The following PTPRD variants were observed in gnomAD, a reference collection of about 807,000 sequenced individuals.
The protein encoded by PTPRD is protein tyrosine phosphatase receptor type D, also known as receptor-type tyrosine-protein phosphatase delta.
A neutral mutation model predicts 214.5 loss-of-function variants in PTPRD; 34 were observed. The observed-to-expected ratio is 0.16, with a 90% CI of 0.12 to 0.21. PTPRD has a LOEUF of 0.21. Among genes scored for constraint, PTPRD ranks in the 10% least tolerant of loss-of-function variants. The pLI, the probability that PTPRD is intolerant of heterozygous loss-of-function variation, is 1.00. For synonymous variants in PTPRD, 1,128 were observed against 845.7 expected, an observed-to-expected ratio of 1.33 and a Z score of -5.79; for missense variants, 2,545 against 2,398.7, an observed-to-expected ratio of 1.06 and a Z score of -1.27.
intron 30 of PTPRD, among the ~76,000 whole-genome samples, chr9:8,473,799 G>C (rs1454965429): frequency 6.6e-6 from 1 of 152,166 alleles, no homozygotes; most frequent in African/African-American, 2.4e-5. Context: ...GGTGCGGCAA[G>C]ATATCCACAA....
At chr9:10,376,668 G>A (rs1555243942) in intron 2 of PTPRD, among the ~76,000 whole-genome samples, 1 of 151,764 alleles carries the variant, frequency 6.6e-6, no homozygotes, top group Non-Finnish European at 1.5e-5. Flanking sequence ...ACAGAGCCAT[G>A]TAATTTTGCA....
chr9:9,109,473 C>T (rs1279093106), intron 10 of PTPRD, among the ~76,000 whole-genome samples: 1 of 152,086 alleles, frequency 6.6e-6, no homozygotes, highest in Non-Finnish European at 1.5e-5. Flanking sequence ...CAAAGACCTA[C>T]CTCAGCAGTA....
At chr9:9,161,259 A>G (rs2099888009) in intron 10 of PTPRD, among the ~76,000 whole-genome samples, 1 of 152,164 alleles carries the variant, frequency 6.6e-6, no homozygotes, top group South Asian at 2.1e-4. Context: ...TGATTATCTC[A>G]CATTGTATAT....
intron 2 of PTPRD, among the ~76,000 whole-genome samples, chr9:10,367,386 G>A (rs1328081744): frequency 6.6e-6 from 1 of 152,094 alleles, no homozygotes; most frequent in Non-Finnish European, 1.5e-5. Context: ...AAAAGGAAGA[G>A]TTCTGCCCAC....
intron 9 of PTPRD, among the ~76,000 whole-genome samples, chr9:9,253,519 A>C (rs963365627): frequency 6.6e-6 from 1 of 151,230 alleles, no homozygotes; most frequent in East Asian, 1.9e-4. Flanking sequence ...AAAAATATGT[A>C]TACACATATC....
At chr9:10,003,901 A>C (rs1366486712) in intron 4 of PTPRD, among the ~76,000 whole-genome samples, 3 of 151,762 alleles carry the variant, frequency 2.0e-5, no homozygotes, top group Non-Finnish European at 1.5e-5. Context: ...TTGCTTACAG[A>C]CCCTAATACA....
chr9:8,998,594 C>T (rs918203534), intron 11 of PTPRD, among the ~76,000 whole-genome samples: 6 of 152,014 alleles, frequency 3.9e-5, no homozygotes, highest in Non-Finnish European at 5.9e-5. Flanking sequence ...TGTTTTCATG[C>T]CTGCTAATAC....
intron 2 of PTPRD, among the ~76,000 whole-genome samples, chr9:10,470,144 C>CA (rs573712794): frequency 5.9e-4 from 90 of 151,938 alleles, no homozygotes; most frequent in Non-Finnish European, 1.1e-3. Context: ...AAACAAATGA[C>CA]AAATGTTTGA....
chr9:10,061,400 G>A (rs1477184091), intron 3 of PTPRD, among the ~76,000 whole-genome samples: 1 of 152,038 alleles, frequency 6.6e-6, no homozygotes, highest in Non-Finnish European at 1.5e-5. Flanking sequence ...AGATTACATT[G>A]CTTAGCATTT....
chr9:8,858,694 CTG>C (rs1491018513), intron 11 of PTPRD, among the ~76,000 whole-genome samples: 6 of 27,972 alleles, frequency 2.1e-4, no homozygotes, highest in African/African-American at 6.1e-4. Flanking sequence ...GCTGGGCCCG[CTG>C]CGCCCGCTGG....
At position 9,750,050 on chromosome 9, in the gene PTPRD, A is replaced by C. The variant is rs190727644; in HGVS notation, c.-325-15479T>G. 7.9e-5 allele frequency among the ~76,000 whole-genome samples: 12 copies of C among 152,290 alleles called. No individual in the cohort carries two copies. In the South Asian group the frequency reaches 2.3e-3, roughly 29 times the overall value. ...GGTATTTTAATTGAAAACAACTACG[A>C]AAAATAAACTTTTATATGATTAATG... is the stretch of plus-strand genomic sequence containing the variant. On this transcript the variant is annotated intron_variant, in intron 6 of 45. Coordinates refer to ENST00000381196, the MANE Select transcript of PTPRD (RefSeq NM_002839.4).
chr9:9,311,323 A>T (rs1411329386), intron 9 of PTPRD, among the ~76,000 whole-genome samples: 1 of 152,172 alleles, frequency 6.6e-6, no homozygotes, highest in African/African-American at 2.4e-5. Context: ...CATATAATAA[A>T]AGATGTATTG....
rs77641337 is a variant in PTPRD at position 8,712,192 on chromosome 9, T to C, written c.64+21588A>G. ...CTTACAAATGTATCACATAACTATA[T>C]TGAAGGAGACAGGGATGGAGCTGTC... On this transcript the variant is annotated intron_variant, in intron 12 of 45. Coordinates refer to ENST00000381196, the MANE Select transcript of PTPRD (RefSeq NM_002839.4). Among the ~76,000 whole-genome samples the C allele has an allele frequency of 9.2e-3, 1,396 of 152,272 alleles. 33 individuals are homozygous for C. Among genetic ancestry groups the C allele is most frequent in the African/African-American group, 0.032 (1,332 of 41,556 alleles).
chr9:10,071,412 G>A (rs571614406), intron 3 of PTPRD, among the ~76,000 whole-genome samples: 2 of 152,086 alleles, frequency 1.3e-5, no homozygotes, highest in African/African-American at 4.8e-5. Context: ...GTGGGATATT[G>A]GTGGAAGAAT....
chr9:10,465,720 G>A (rs1461221916), intron 2 of PTPRD, among the ~76,000 whole-genome samples: 1 of 152,130 alleles, frequency 6.6e-6, no homozygotes, highest in Non-Finnish European at 1.5e-5. Flanking sequence ...TAGCCTAGAA[G>A]AACCAGGCTA....
At chr9:8,415,912 A>G (rs1176577771) in intron 35 of PTPRD, among the ~76,000 whole-genome samples, 1 of 152,066 alleles carries the variant, frequency 6.6e-6, no homozygotes, top group Admixed American at 6.6e-5. Context: ...CAAGTTGTAA[A>G]GTGACCATAT....
At chr9:9,657,072 C>A (rs1374949033) in intron 7 of PTPRD, among the ~76,000 whole-genome samples, 2 of 151,920 alleles carry the variant, frequency 1.3e-5, no homozygotes, top group Admixed American at 6.6e-5. Flanking sequence ...AATGTTAAAT[C>A]CCAAACACCT....
chr9:10,536,579 T>C (rs929963507), intron 2 of PTPRD, among the ~76,000 whole-genome samples: 1 of 152,166 alleles, frequency 6.6e-6, no homozygotes, highest in Non-Finnish European at 1.5e-5. Flanking sequence ...AGAGTTAGAA[T>C]GGCTCAATCA....
intron 3 of PTPRD, among the ~76,000 whole-genome samples, chr9:10,104,085 G>A (rs1044764558): frequency 3.3e-5 from 5 of 151,828 alleles, no homozygotes; most frequent in Admixed American, 1.3e-4. Context: ...AATACTGTTC[G>A]ATTCCACTTA....
Sources: allele counts gnomAD v4.1 joint callset (sites outside exome capture counted in the v4.1 genomes callset), GRCh38; gene constraint gnomAD v4.1.1; transcripts MANE v1.5; gene names NCBI Gene and HGNC (gene_info 2026-07-23, HGNC 2026-07-21).